Variants in PTPRA observed in about 807,000 individuals in gnomAD.
PTPRA encodes receptor-type tyrosine-protein phosphatase alpha.
PTPRA carries 25 observed loss-of-function variants against 104.8 expected under a neutral mutation model. The observed-to-expected ratio is 0.24, with a 90% confidence interval of 0.17 to 0.33. PTPRA has a LOEUF of 0.33. Ranked by LOEUF, PTPRA falls within the 10% of genes least tolerant of loss-of-function variation. The pLI is 1.00. For synonymous variants in PTPRA, 323 were observed against 368.9 expected, an observed-to-expected ratio of 0.88 and a Z score of 1.43; for missense variants, 765 against 1,015.3, an observed-to-expected ratio of 0.75 and a Z score of 3.35.
chr20:3,017,530 G>C (rs2064526815), intron 12 of PTPRA, among the ~76,000 whole-genome samples: 1 of 152,186 alleles, frequency 6.6e-6, no homozygotes, highest in African/African-American at 2.4e-5. Context: ...GAGCAGTCAT[G>C]ATTTCTAATT....
rs144456268 is a variant in PTPRA at position 2,964,764 on chromosome 20, A to G, written c.74-97A>G. ...GGATTGGTCTTTGCTTGGTCTCCATATGTTTGAGAGTTTATTAAGGCTTGC... is the reference window on the plus strand; with the variant it reads ...GGATTGGTCTTTGCTTGGTCTCCATGTGTTTGAGAGTTTATTAAGGCTTGC... On this transcript the variant is annotated intron_variant, in intron 4 of 23. Coordinates refer to ENST00000399903, the MANE Select transcript of PTPRA (RefSeq NM_001385305.1). 1.1e-3 allele frequency: 1,194 copies of G among 1,096,852 alleles called. 14 individuals are homozygous for G. In the African/African-American group the frequency reaches 0.016, roughly 15 times the overall value. The allele number at this position is 1,096,852 out of a possible 1,614,324, so 67.9% of individuals were successfully genotyped here.
Position 3,035,544 on chromosome 20 carries a change from T to C in PTPRA, c.1921-41T>C. The C allele has an allele frequency of 1.3e-6, 2 of 1,578,444 alleles. No individual in the cohort carries two copies. Among genetic ancestry groups the C allele is most frequent in the East Asian group, 4.5e-5 (2 of 44,664 alleles). The stretch of plus-strand genomic sequence containing the variant: ...GTGGGCAGTGCTGCTTCTACACATG[T>C]GGTACTCTGAGCTCCTCACCTCTCC... On this transcript the variant is annotated intron_variant, in intron 20 of 23. Transcript: ENST00000399903. The surrounding 1 kb of genome is among the most constrained non-coding windows in gnomAD (Gnocchi z 5.8).
At chr20:2,898,205 T>C (rs934401640) in intron 1 of PTPRA, among the ~76,000 whole-genome samples, 7 of 152,098 alleles carry the variant, frequency 4.6e-5, no homozygotes, top group African/African-American at 1.7e-4. Flanking sequence ...CACGCCATTC[T>C]CCTGTCTCAG....
chr20:2,980,301 C>CT (rs1249058849), intron 6 of PTPRA, among the ~76,000 whole-genome samples: 1 of 151,814 alleles, frequency 6.6e-6, no homozygotes, highest in African/African-American at 2.4e-5. Flanking sequence ...GGCACAGTGG[C>CT]TCACACCTAT....
chr20:2,924,274 C>T (rs544402898), intron 2 of PTPRA, among the ~76,000 whole-genome samples: 4 of 151,854 alleles, frequency 2.6e-5, no homozygotes, highest in African/African-American at 7.3e-5. Context: ...TGGTGGCTCA[C>T]GCCTGTAATC....
intron 17 of PTPRA, 53 bp from the exon 18 acceptor site, chr20:3,026,634 G>A: frequency 2.1e-6 from 3 of 1,431,152 alleles, no homozygotes; most frequent in Non-Finnish European, 3.0e-6. Flanking sequence ...GCATAATCTT[G>A]TCAAGTTCAG....
intron 1 of PTPRA, among the ~76,000 whole-genome samples, chr20:2,874,691 C>T (rs943091135): frequency 3.3e-5 from 5 of 152,192 alleles, no homozygotes; most frequent in Non-Finnish European, 7.3e-5. Context: ...CTGGCCACTC[C>T]TTTCAGAAAC....
chr20:3,010,627 CA>C (rs1435604555), intron 11 of PTPRA, among the ~76,000 whole-genome samples: 1 of 150,934 alleles, frequency 6.6e-6, no homozygotes, highest in African/African-American at 2.4e-5. Context: ...GACTCTGTCT[CA>C]AAAAAAATAA....
chr20:2,955,724 G>A, intron 3 of PTPRA: 1 of 935,564 alleles, frequency 1.1e-6, no homozygotes, highest in Non-Finnish European at 1.3e-6. Flanking sequence ...CTACTCATCA[G>A]CACCCACCTA....
chr20:2,906,538 A>C (rs981001923), intron 1 of PTPRA, among the ~76,000 whole-genome samples: 14 of 152,214 alleles, frequency 9.2e-5, no homozygotes, highest in Non-Finnish European at 2.1e-4. Context: ...TTCTTAATTG[A>C]TTAAATTCAA....
At chr20:2,878,258 G>C (rs1054783703) in intron 1 of PTPRA, among the ~76,000 whole-genome samples, 1 of 152,146 alleles carries the variant, frequency 6.6e-6, no homozygotes, top group African/African-American at 2.4e-5. Flanking sequence ...CTGCCACCCT[G>C]GCTGGAGTGC....
intron 1 of PTPRA, among the ~76,000 whole-genome samples, chr20:2,901,607 G>C (rs940835525): frequency 6.6e-6 from 1 of 152,046 alleles, no homozygotes; most frequent in Non-Finnish European, 1.5e-5. Context: ...GAATGAACCT[G>C]TTACTTATGT....
chr20:2,898,221 A>G (rs1051934827), intron 1 of PTPRA, among the ~76,000 whole-genome samples: 1 of 151,732 alleles, frequency 6.6e-6, no homozygotes, highest in Middle Eastern at 3.4e-3. Context: ...CTCAGCCTCC[A>G]GGCATGCGCC....
chr20:3,010,640 T>A (rs1600249335), intron 11 of PTPRA, among the ~76,000 whole-genome samples: 2 of 151,164 alleles, frequency 1.3e-5, no homozygotes, highest in Admixed American at 6.6e-5. Context: ...AAAAAATAAA[T>A]AAATAAAAAA....
chr20:3,038,437 C>A lies in PTPRA; in HGVS notation c.*304C>A. 1 of 294,234 alleles carries A rather than the reference C, an allele frequency of 3.4e-6. No individual in the cohort carries two copies. The highest frequency in any genetic ancestry group is 6.4e-6 in the Non-Finnish European group (1 of 155,424). The allele number at this position is 294,234 out of a possible 1,614,324, so 18.2% of individuals were successfully genotyped here. A position where few individuals can be genotyped will look rare whatever the true frequency, so the allele number is the denominator to read the frequency against. ...CATCTTTCCCTAAAGAAGATAAACA[C>A]AAAATCCATTCCAGGTAGCTCGGCA... On this transcript the variant is annotated 3_prime_UTR_variant, in exon 24 of 24. Transcript: ENST00000399903.
intron 12 of PTPRA, among the ~76,000 whole-genome samples, chr20:3,016,697 A>C (rs2064473494): frequency 1.3e-5 from 2 of 152,256 alleles, no homozygotes. Context: ...CTGAGATTGC[A>C]CTACTGTACT....
At chr20:2,938,342 A>G (rs975842381) in intron 2 of PTPRA, among the ~76,000 whole-genome samples, 1 of 151,634 alleles carries the variant, frequency 6.6e-6, no homozygotes, top group Non-Finnish European at 1.5e-5. Flanking sequence ...CCGCCACCAC[A>G]CCCAACTCAT....
chr20:2,979,633 C>T (rs953454385), intron 6 of PTPRA, among the ~76,000 whole-genome samples: 19 of 152,276 alleles, frequency 1.2e-4, no homozygotes, highest in Middle Eastern at 3.4e-3. Flanking sequence ...CTCAAGCGAT[C>T]CTCCAGCCTC....
At chr20:2,879,063 T>C (rs1042432842) in intron 1 of PTPRA, among the ~76,000 whole-genome samples, 1 of 152,248 alleles carries the variant, frequency 6.6e-6, no homozygotes, top group African/African-American at 2.4e-5. Flanking sequence ...ATAGATGTGA[T>C]GTCTGTCCTC....
Sources: gnomAD v4.1 joint callset for allele counts (sites outside exome capture counted in the v4.1 genomes callset) on GRCh38, gnomAD v4.1.1 for gene constraint, Gnocchi (gnomAD v3.1) non-coding constraint, MANE v1.5 for transcripts, NCBI Gene and HGNC (gene_info 2026-07-23, HGNC 2026-07-21) for gene names.